The following ESR1 variants were observed in gnomAD, a reference collection of about 807,000 sequenced individuals.
ESR1 encodes the protein estrogen receptor.
A neutral mutation model predicts 52.7 loss-of-function variants in ESR1; 12 were observed. The observed-to-expected ratio is 0.23, with a 90% confidence interval of 0.15 to 0.37. The LOEUF (loss-of-function observed/expected upper bound fraction) is 0.37. Among genes scored for constraint, ESR1 ranks in the 10% least tolerant of loss-of-function variants. The pLI is 1.00. For missense variants in ESR1, 584 were observed against 779.7 expected (o/e 0.75, Z 2.99); for synonymous variants, 305 against 316.8 (o/e 0.96, Z 0.39).
Position 151,904,903 on chromosome 6 carries a change from C to G in ESR1, c.760+24132C>G, listed in dbSNP as rs74441170. Among the ~76,000 whole-genome samples, 873 of 152,256 alleles carry G rather than the reference C, an allele frequency of 5.7e-3. 6 individuals carry two copies. The highest frequency in any genetic ancestry group is 0.02 in the African/African-American group (818 of 41,538). ...GCTCATCTATATTTGTTGTTATTCA[C>G]TGATTGCATCTTGCCCTTGCACCCA... is the stretch of plus-strand genomic sequence containing the variant. On this transcript the variant is annotated intron_variant, in intron 3 of 7. Transcript: ENST00000206249.
chr6:152,077,021 A>G (rs2048790549), intron 6 of ESR1, among the ~76,000 whole-genome samples: 1 of 152,176 alleles, frequency 6.6e-6, no homozygotes, highest in African/African-American at 2.4e-5. Context: ...AATCCCCAAG[A>G]CAATGGGGAA....
chr6:151,707,306 C>G (rs756452420), intron 2 of ESR1, among the ~76,000 whole-genome samples: 6 of 152,030 alleles, frequency 3.9e-5, no homozygotes, highest in Non-Finnish European at 5.9e-5. Context: ...TATTTTAGGA[C>G]ATTTTCTTTT....
chr6:151,825,748 C>T (rs1373924459), intron 1 of ESR1, among the ~76,000 whole-genome samples: 2 of 151,706 alleles, frequency 1.3e-5, no homozygotes, highest in Non-Finnish European at 2.9e-5. Context: ...CTCGTCTCTA[C>T]CAAAAATACA....
At chr6:152,080,235 G>A (rs182647995) in intron 6 of ESR1, among the ~76,000 whole-genome samples, 13 of 152,216 alleles carry the variant, frequency 8.5e-5, no homozygotes, top group Admixed American at 2.0e-4. Flanking sequence ...GTTAAGGGCA[G>A]CCAGAGAGAA....
intron 6 of ESR1, among the ~76,000 whole-genome samples, chr6:152,074,585 AT>A (rs1562756064): frequency 2.0e-5 from 3 of 152,184 alleles, no homozygotes; most frequent in African/African-American, 7.2e-5. Flanking sequence ...GTTGATATGC[AT>A]TTTTAATGCT....
intron 1 of ESR1, among the ~76,000 whole-genome samples, chr6:151,815,195 T>G (rs1418661553): frequency 6.6e-6 from 1 of 152,152 alleles, no homozygotes; most frequent in African/African-American, 2.4e-5. Flanking sequence ...TTACACAGAG[T>G]TGTATTTATT....
intron 1 of ESR1, among the ~76,000 whole-genome samples, chr6:151,835,581 TTAAGA>T (rs1170030707): frequency 2.0e-5 from 3 of 152,226 alleles, no homozygotes; most frequent in South Asian, 2.1e-4. Context: ...ACTGTAATAC[TTAAGA>T]TAAGTCGTAT....
chr6:151,970,426 C>T (rs1466500931), intron 4 of ESR1, among the ~76,000 whole-genome samples: 1 of 152,004 alleles, frequency 6.6e-6, no homozygotes, highest in African/African-American at 2.4e-5. Context: ...TGTAGGGAAG[C>T]AAATCCCTTC....
chr6:151,849,811 G>C (rs771186271), intron 2 of ESR1, among the ~76,000 whole-genome samples: 4 of 150,878 alleles, frequency 2.7e-5, no homozygotes, highest in Non-Finnish European at 4.4e-5. Context: ...ATGTGAAACA[G>C]TATTGAGAAA....
intron 1 of ESR1, among the ~76,000 whole-genome samples, chr6:151,659,840 T>G (rs1777578996): frequency 6.6e-6 from 1 of 152,206 alleles, no homozygotes; most frequent in Non-Finnish European, 1.5e-5. Flanking sequence ...AGATTATGAC[T>G]GATCATTAAA....
intron 5 of ESR1, among the ~76,000 whole-genome samples, chr6:152,025,205 CTTTT>C (rs144645557): frequency 1.6e-4 from 21 of 127,462 alleles, no homozygotes; most frequent in African/African-American, 5.5e-4. Context: ...CTTCATCACG[CTTTT>C]TTTTTTTTTT....
At chr6:151,669,832 A>C (rs1777985493) in intron 1 of ESR1, among the ~76,000 whole-genome samples, 1 of 152,198 alleles carries the variant, frequency 6.6e-6, no homozygotes, top group Non-Finnish European at 1.5e-5. Flanking sequence ...CAGAATCAAC[A>C]CAAGGTTTTT....
chr6:151,921,813 G>C (rs555450228), intron 3 of ESR1, among the ~76,000 whole-genome samples: 23 of 152,236 alleles, frequency 1.5e-4, no homozygotes, highest in Admixed American at 2.6e-4. Flanking sequence ...ATTTGTCTAA[G>C]TTCCTTGTAG....
intron 3 of ESR1, among the ~76,000 whole-genome samples, chr6:151,914,691 T>A (rs1241855817): frequency 6.6e-6 from 1 of 152,124 alleles, no homozygotes; most frequent in Non-Finnish European, 1.5e-5. Context: ...TTGGGTTGAG[T>A]CATTGTTACC....
At chr6:151,919,397 T>G (rs544752289) in intron 3 of ESR1, among the ~76,000 whole-genome samples, 16 of 152,222 alleles carry the variant, frequency 1.1e-4, no homozygotes, top group Admixed American at 2.0e-4. Flanking sequence ...TAAGCTAGAA[T>G]TTTTGGAATC....
intron 5 of ESR1, among the ~76,000 whole-genome samples, chr6:152,056,873 T>G (rs1306913624): frequency 6.6e-6 from 1 of 152,130 alleles, no homozygotes; most frequent in East Asian, 1.9e-4. Context: ...AAATAAATCT[T>G]GTTTTTCCAT....
At chr6:151,695,398 A>G (rs1465936137) in intron 1 of ESR1, among the ~76,000 whole-genome samples, 1 of 152,156 alleles carries the variant, frequency 6.6e-6, no homozygotes, top group Non-Finnish European at 1.5e-5. Flanking sequence ...CAAGTTGACA[A>G]TCCTAGAGAG....
Position 151,904,110 on chromosome 6 carries a change from A to G in ESR1, c.760+23339A>G, listed in dbSNP as rs1797094263. ...ACTGAAGTAATATCACAACCATAATATCATAATTATCTCTCTTGCTGTCTC... is the reference window on the plus strand; with the variant it reads ...ACTGAAGTAATATCACAACCATAATGTCATAATTATCTCTCTTGCTGTCTC... On this transcript the variant is annotated intron_variant, in intron 3 of 7. Transcript: ENST00000206249. Among the ~76,000 whole-genome samples, 5 of 152,356 alleles carry G rather than the reference A, an allele frequency of 3.3e-5. No individual in the cohort carries two copies. In the Middle Eastern group the frequency reaches 0.01, roughly 311 times the overall value.
At chr6:152,048,842 C>G (rs936396674) in intron 5 of ESR1, among the ~76,000 whole-genome samples, 4 of 152,202 alleles carry the variant, frequency 2.6e-5, no homozygotes, top group Non-Finnish European at 5.9e-5. Context: ...AGACCCTGCT[C>G]TCAGATATAT....
Sources: gnomAD v4.1 joint callset for allele counts (sites outside exome capture counted in the v4.1 genomes callset) on GRCh38, gnomAD v4.1.1 for gene constraint, MANE v1.5 for transcripts, NCBI Gene and HGNC (gene_info 2026-07-23, HGNC 2026-07-21) for gene names.